Variants in LARS1 observed in about 807,000 individuals in gnomAD.
LARS1 encodes the protein leucine--tRNA ligase, cytoplasmic.
A neutral mutation model predicts 162.8 loss-of-function variants in LARS1; 100 were observed. That is an observed-to-expected ratio of 0.61 (90% confidence interval 0.52 to 0.73). LARS1 has a LOEUF of 0.73. Ranked by LOEUF, LARS1 falls within the 30% of genes least tolerant of loss-of-function variation. LARS1 has a pLI of 0.00. For missense variants in LARS1, 1,258 were observed against 1,408.9 expected (o/e 0.89, Z 1.71); for synonymous variants, 457 against 462.8 (o/e 0.99, Z 0.16).
intron 6 of LARS1, 37 bp downstream of exon 6, chr5:146,164,273 T>C: frequency 6.9e-7 from 1 of 1,444,360 alleles, no homozygotes; most frequent in Non-Finnish European, 9.5e-7. Context: ...AGCACATACT[T>C]GTAAATGCTT....
At position 146,129,011 on chromosome 5, in the gene LARS1, T is replaced by C; in HGVS notation, c.2736A>G (p.Arg912=). 1 of 1,604,942 alleles carries C rather than the reference T, an allele frequency of 6.2e-7. No individual in the cohort carries two copies. The highest frequency in any genetic ancestry group is 8.5e-7 in the Non-Finnish European group (1 of 1,177,304). The change falls in exon 26 of 32, where the codon CGA becomes CGG. Residue 912 remains arginine (R), a synonymous_variant. Coordinates refer to ENST00000394434, the MANE Select transcript of LARS1 (RefSeq NM_020117.11). ...TAGCTGGCATCATATAGTTCTTGAGTCGTAGTCTAAGGTCATGTGTTACTT... is the reference window on the plus strand; with the variant it reads ...TAGCTGGCATCATATAGTTCTTGAGCCGTAGTCTAAGGTCATGTGTTACTT... The part of the protein sequence containing the change: ...LMEVTHDLRL[R]LKNYMMPAKG...
chr5:146,117,687 C>G (rs1341460386), intron 31 of LARS1, among the ~76,000 whole-genome samples: 4 of 152,230 alleles, frequency 2.6e-5, no homozygotes, highest in African/African-American at 9.7e-5. Flanking sequence ...CTATCATGCT[C>G]TTTCTGCTTC....
intron 1 of LARS1, among the ~76,000 whole-genome samples, chr5:146,179,253 T>C (rs902208007): frequency 1.3e-5 from 2 of 152,004 alleles, no homozygotes; most frequent in Non-Finnish European, 2.9e-5. Flanking sequence ...CCTCCATCTC[T>C]GGGGTTCAAG....
intron 14 of LARS1, among the ~76,000 whole-genome samples, chr5:146,150,410 A>G (rs1334490947): frequency 2.0e-5 from 3 of 152,166 alleles, no homozygotes; most frequent in Admixed American, 1.3e-4. Flanking sequence ...AAATACTTCA[A>G]TATCTATTTA....
intron 22 of LARS1, among the ~76,000 whole-genome samples, chr5:146,134,468 A>G (rs1303800066): frequency 2.0e-5 from 3 of 152,240 alleles, no homozygotes; most frequent in Non-Finnish European, 2.9e-5. Context: ...AAACTGAGTT[A>G]GCCATGACCA....
At chr5:146,131,675 G>C (rs1474942969) in intron 23 of LARS1, 3 of 149,672 alleles carry the variant, frequency 2.0e-5, no homozygotes, top group Admixed American at 6.7e-5. Flanking sequence ...TTTTTTTGTA[G>C]AGACAGGATC....
At position 146,182,612 on chromosome 5, in the gene LARS1, C is replaced by A. The variant is rs1363569115; in HGVS notation, c.-119G>T. ...AGGCCTCCCACGAAACTAAAGCACA[C>A]GCTTCACACCTGCTGAGGCAATCAT... On this transcript the variant is annotated 5_prime_UTR_variant, in exon 1 of 32. Coordinates refer to ENST00000394434, the MANE Select transcript of LARS1 (RefSeq NM_020117.11). 5.4e-6 allele frequency: 7 copies of A among 1,294,340 alleles called. No homozygotes were observed. Among genetic ancestry groups the A allele is most frequent in the Admixed American group, 3.5e-5 (2 of 57,160 alleles). The allele number at this position is 1,294,340 out of a possible 1,614,324, so 80.2% of individuals were successfully genotyped here. A position where few individuals can be genotyped will look rare whatever the true frequency, so the allele number is the denominator to read the frequency against.
intron 14 of LARS1, among the ~76,000 whole-genome samples, chr5:146,150,942 G>GACACACACACACACACACACACACAC (rs3995492): frequency 1.5e-5 from 2 of 134,808 alleles, no homozygotes; most frequent in African/African-American, 5.7e-5. Context: ...CCGTCAGATA[G>GACACACACACACACACACACACACAC]ACACACACAC....
rs1753588624 is a variant in LARS1, at chr5:146,157,603, A to G, written c.865T>C (p.Leu289=). Reference sequence around the variant, plus strand: ...TCAGGTCTGAGAGTAGCAGCCACCAAGAAAATATTTTTACCTTTCAGGCCA... The same window carrying G: ...TCAGGTCTGAGAGTAGCAGCCACCAGGAAAATATTTTTACCTTTCAGGCCA... The part of the protein sequence containing the change: ...LSGLKGKNIF[L]VAATLRPETM... The change falls in exon 10 of 32, where the codon TTG becomes CTG. Residue 289 remains leucine, a synonymous_variant. Transcript: ENST00000394434. 1 of 1,614,088 alleles carries G rather than the reference A, an allele frequency of 6.2e-7. No homozygotes were observed. The highest frequency in any genetic ancestry group is 1.7e-5 in the Admixed American group (1 of 59,992).
At chr5:146,181,370 CAAACAAA>C (rs992539650) in intron 1 of LARS1, among the ~76,000 whole-genome samples, 1 of 65,278 alleles carries the variant, frequency 1.5e-5, no homozygotes, top group Non-Finnish European at 3.0e-5. Flanking sequence ...AACAAACAAA[CAAACAAA>C]AAACAAAAAA....
rs369876453 is a variant in LARS1, at chr5:146,174,463, TCC to T, written c.126-1691_126-1690del. On this transcript the variant is annotated intron_variant, in intron 2 of 31. Transcript: ENST00000394434. ...TCTGTCTCAAATATATATATATATA[TCC>T]ATATATATATATATATATCCATATA... 2.0e-4 allele frequency among the ~76,000 whole-genome samples: 13 copies of T among 66,346 alleles called. 2 individuals are homozygous for T. Among genetic ancestry groups the T allele is most frequent in the South Asian group, 4.7e-4 (1 of 2,136 alleles). 43.5% of individuals were successfully genotyped at this position (66,346 alleles called of 152,430 possible).
chr5:146,137,103 G>A (rs915349372), intron 21 of LARS1, among the ~76,000 whole-genome samples: 2 of 152,034 alleles, frequency 1.3e-5, no homozygotes, highest in African/African-American at 2.4e-5. Flanking sequence ...TCACCACATC[G>A]GCCAGGCTGG....
intron 31 of LARS1, among the ~76,000 whole-genome samples, chr5:146,116,255 C>T (rs988312947): frequency 1.3e-5 from 2 of 152,200 alleles, no homozygotes; most frequent in African/African-American, 4.8e-5. Flanking sequence ...TCAACGTACA[C>T]ATCAGTGGTA....
chr5:146,124,216 T>C, intron 28 of LARS1, 130 bp from the exon 29 acceptor site: 1 of 594,166 alleles, frequency 1.7e-6, no homozygotes, highest in South Asian at 2.3e-5. Context: ...AGGAAAGGCC[T>C]TGGACTCATG....
chr5:146,140,487 C>T (rs908509303), intron 20 of LARS1, among the ~76,000 whole-genome samples: 4 of 152,158 alleles, frequency 2.6e-5, no homozygotes, highest in African/African-American at 9.7e-5. Flanking sequence ...GGTGGGGCTA[C>T]ACGTATGGAT....
In LARS1 at chr5:146,164,449, C is replaced by A; in HGVS notation, c.455G>T (p.Gly152Val). The A allele has an allele frequency of 1.9e-6, 3 of 1,613,972 alleles. No homozygotes were observed. In the Middle Eastern group the frequency reaches 4.9e-4, roughly 266 times the overall value. Residue 152 changes from glycine (G) to valine (V), a missense_variant, in exon 6 of 32, where the codon GGA (glycine) becomes GTA (valine). Gly to Val is a moderately radical substitution (Grantham distance 109). Transcript: ENST00000394434. ...AATGCCCCACTGGTATTTAGAAGAT[C>A]CAGCTTTAGCAGCAGCTTTACTCTG... ...GKKSKAAAKAGSSKYQWGIMK... is the reference protein window; with the variant it reads ...GKKSKAAAKAVSSKYQWGIMK...
intron 31 of LARS1, among the ~76,000 whole-genome samples, chr5:146,118,835 C>T (rs183608884): frequency 1.3e-5 from 2 of 152,250 alleles, no homozygotes; most frequent in East Asian, 3.9e-4. Flanking sequence ...CTGAACTGTA[C>T]ACATAAAAAT....
At chr5:146,172,045 A>C in intron 3 of LARS1, 55 bp from the exon 4 acceptor site, 4 of 1,434,678 alleles carry the variant, frequency 2.8e-6, no homozygotes, top group Non-Finnish European at 3.9e-6. Context: ...ACAAATACAA[A>C]ATGTGAACTT....
At position 146,182,576 on chromosome 5, in the gene LARS1, T is replaced by C; in HGVS notation, c.-83A>G. 1 of 1,571,738 alleles carries C rather than the reference T, an allele frequency of 6.4e-7. No individual in the cohort carries two copies. The highest frequency in any genetic ancestry group is 1.1e-5 in the South Asian group (1 of 90,238). On this transcript the variant is annotated 5_prime_UTR_variant, in exon 1 of 32. Coordinates refer to ENST00000394434, the MANE Select transcript of LARS1 (RefSeq NM_020117.11). ...GGAGTGGTTACCTTTCCCCTCCCTC[T>C]CGGGGATGCCAGGCCTCCCACGAAA...
Sources: allele counts gnomAD v4.1 joint callset (sites outside exome capture counted in the v4.1 genomes callset), GRCh38; gene constraint gnomAD v4.1.1; transcripts MANE v1.5; gene names NCBI Gene and HGNC (gene_info 2026-07-23, HGNC 2026-07-21).